CCDC91: variants seen among roughly 807,000 people sequenced by gnomAD.
CCDC91 encodes the protein coiled-coil domain containing 91, also known as coiled-coil domain-containing protein 91.
CCDC91 carries 48 observed loss-of-function variants against 63.2 expected under a neutral mutation model. That is an observed-to-expected ratio of 0.76 (90% CI 0.60 to 0.97). The LOEUF is 0.97. CCDC91 is among the 50% of genes least tolerant of loss of function. CCDC91 has a pLI of 0.00. For synonymous variants in CCDC91, 167 were observed against 165.8 expected (o/e 1.01, Z -0.06); for missense variants, 500 against 494.6 (o/e 1.01, Z -0.10).
intron 7 of CCDC91, among the ~76,000 whole-genome samples, chr12:28,375,502 T>C (rs1454333172): frequency 6.6e-6 from 1 of 151,924 alleles, no homozygotes; most frequent in East Asian, 1.9e-4. Context: ...AATAAATAGA[T>C]TGCTACAGAT....
rs549027009 is a variant in CCDC91, at chr12:28,214,703, A to T, written c.-15+24062A>T. Among the ~76,000 whole-genome samples, 5 of 152,318 alleles carry T rather than the reference A, an allele frequency of 3.3e-5. No homozygotes were observed. The South Asian group carries it at 1.0e-3, about 32-fold the overall frequency. ...TGCTTTACATCATAGTGTTTAAATT[A>T]CAGGATATCAAGGGAAATAGAAATG... On this transcript the variant is annotated intron_variant, in intron 1 of 12. Coordinates refer to ENST00000536442, the MANE Select transcript of CCDC91 (RefSeq NM_018318.5).
intron 6 of CCDC91, among the ~76,000 whole-genome samples, chr12:28,314,886 T>A (rs1939683155): frequency 6.6e-6 from 1 of 151,988 alleles, no homozygotes; most frequent in Admixed American, 6.6e-5. Flanking sequence ...CTGTGAGAGA[T>A]CAATCATTGT....
At chr12:28,540,486 T>G (rs1412057462) in intron 12 of CCDC91, among the ~76,000 whole-genome samples, 1 of 152,146 alleles carries the variant, frequency 6.6e-6, no homozygotes, top group Non-Finnish European at 1.5e-5. Context: ...ACAGATATTG[T>G]GCCAAGGCCT....
intron 8 of CCDC91, among the ~76,000 whole-genome samples, chr12:28,402,583 T>C (rs1441703710): frequency 5.3e-4 from 54 of 102,664 alleles, no homozygotes; most frequent in African/African-American, 1.8e-3. Flanking sequence ...AATCATGTCA[T>C]CTGCAAAAAA....
intron 8 of CCDC91, among the ~76,000 whole-genome samples, chr12:28,394,421 A>G (rs984787873): frequency 7.2e-5 from 11 of 152,186 alleles, no homozygotes; most frequent in African/African-American, 9.6e-5. Flanking sequence ...ACCCGAGATC[A>G]TGCCACTGCA....
At chr12:28,324,698 C>A (rs66855527) in intron 6 of CCDC91, among the ~76,000 whole-genome samples, 22,141 of 150,982 alleles carry the variant, frequency 0.15, 2,156 homozygotes, top group Non-Finnish European at 0.22. Flanking sequence ...AATAATAATA[C>A]TTCCTTTTTG....
chr12:28,528,652 G>C (rs1219074470), intron 12 of CCDC91, among the ~76,000 whole-genome samples: 1 of 152,134 alleles, frequency 6.6e-6, no homozygotes, highest in Non-Finnish European at 1.5e-5. Context: ...CCTCCCGTCT[G>C]CCATGATCTG....
chr12:28,487,344 G>A (rs11049662), intron 12 of CCDC91, among the ~76,000 whole-genome samples: 57,988 of 151,118 alleles, frequency 0.38, 11,473 homozygotes, highest in Middle Eastern at 0.48. Flanking sequence ...TCTTTATTAT[G>A]TAAATTTTAA....
At position 28,325,211 on chromosome 12, in the gene CCDC91, G is replaced by A. The variant is rs1354687757; in HGVS notation, c.576+17462G>A. Among the ~76,000 whole-genome samples, 4 of 152,030 alleles carry A rather than the reference G, an allele frequency of 2.6e-5. No individual in the cohort carries two copies. The East Asian group carries it at 7.8e-4, about 29-fold the overall frequency. On this transcript the variant is annotated intron_variant, in intron 6 of 12. Transcript: ENST00000536442. Reference sequence around the variant, plus strand: ...TATACAAATAGAAAAGAAAAACAATGGCAATGTTTGGTTATTAACTAAAAT... The same window carrying A: ...TATACAAATAGAAAAGAAAAACAATAGCAATGTTTGGTTATTAACTAAAAT...
At chr12:28,333,604 G>A (rs1220690251) in intron 6 of CCDC91, among the ~76,000 whole-genome samples, 1 of 151,950 alleles carries the variant, frequency 6.6e-6, no homozygotes, top group African/African-American at 2.4e-5. Context: ...CTCATCTTTT[G>A]CTTTTCACTT....
chr12:28,518,128 A>G (rs189749723), intron 12 of CCDC91, among the ~76,000 whole-genome samples: 1 of 151,806 alleles, frequency 6.6e-6, no homozygotes, highest in East Asian at 2.0e-4. Context: ...ATGATGACTT[A>G]TTTTTCTCTG....
intron 3 of CCDC91, among the ~76,000 whole-genome samples, chr12:28,284,691 C>A (rs1592201814): frequency 6.6e-6 from 1 of 151,864 alleles, no homozygotes; most frequent in African/African-American, 2.4e-5. Flanking sequence ...GATTGTTAGC[C>A]AGTCCTTCTC....
At chr12:28,457,716 A>G (rs1408639729) in intron 11 of CCDC91, among the ~76,000 whole-genome samples, 1 of 151,808 alleles carries the variant, frequency 6.6e-6, no homozygotes, top group Non-Finnish European at 1.5e-5. Flanking sequence ...GTAAGTTAAG[A>G]CTAAGTCTTA....
At chr12:28,522,514 C>A (rs1392224553) in intron 12 of CCDC91, among the ~76,000 whole-genome samples, 1 of 151,990 alleles carries the variant, frequency 6.6e-6, no homozygotes, top group Non-Finnish European at 1.5e-5. Context: ...TTGATCTTTT[C>A]AAAAAACAAG....
At chr12:28,275,535 C>A (rs1200955881) in intron 3 of CCDC91, among the ~76,000 whole-genome samples, 6 of 152,086 alleles carry the variant, frequency 3.9e-5, no homozygotes, top group African/African-American at 1.4e-4. Context: ...CGAATTCTAC[C>A]AGAGGTACAA....
intron 7 of CCDC91, among the ~76,000 whole-genome samples, chr12:28,385,036 AT>A (rs1396242318): frequency 6.6e-6 from 1 of 152,122 alleles, no homozygotes; most frequent in Non-Finnish European, 1.5e-5. Flanking sequence ...AAACATAAAA[AT>A]ATCTCTTCAT....
At chr12:28,463,226 T>C (rs1452778320) in intron 11 of CCDC91, among the ~76,000 whole-genome samples, 1 of 152,076 alleles carries the variant, frequency 6.6e-6, no homozygotes, top group African/African-American at 2.4e-5. Flanking sequence ...AACACAGAGA[T>C]GGAAATGAGC....
chr12:28,506,578 C>A (rs1938741909), intron 12 of CCDC91, among the ~76,000 whole-genome samples: 1 of 151,958 alleles, frequency 6.6e-6, no homozygotes, highest in Admixed American at 6.6e-5. Context: ...AACACAGCCA[C>A]TATTTATTCA....
intron 7 of CCDC91, among the ~76,000 whole-genome samples, chr12:28,380,838 G>A (rs1945255523): frequency 6.6e-6 from 1 of 152,026 alleles, no homozygotes; most frequent in Admixed American, 6.6e-5. Context: ...GGTCTATCTA[G>A]ATTCAAGCAT....
Sources: gnomAD v4.1 joint callset for allele counts (sites outside exome capture counted in the v4.1 genomes callset) on GRCh38, gnomAD v4.1.1 for gene constraint, MANE v1.5 for transcripts, NCBI Gene and HGNC (gene_info 2026-07-23, HGNC 2026-07-21) for gene names.